Variants in ARFGEF3 observed in about 807,000 individuals in gnomAD.
ARFGEF3 encodes ARFGEF family member 3, also known as brefeldin A-inhibited guanine nucleotide-exchange protein 3.
In ARFGEF3, 96 loss-of-function variants were observed where a neutral mutation model predicts 221.7. The observed-to-expected ratio is 0.43, with a 90% CI of 0.37 to 0.51. The LOEUF (loss-of-function observed/expected upper bound fraction) is 0.51. ARFGEF3 is among the 20% of genes least tolerant of loss of function. ARFGEF3 has a pLI of 0.00. For missense variants in ARFGEF3, 2,410 were observed against 2,789.9 expected, an observed-to-expected ratio of 0.86 and a Z score of 3.07; for synonymous variants, 1,145 against 1,126.8, an observed-to-expected ratio of 1.02 and a Z score of -0.32.
intron 28 of ARFGEF3, 31 bp downstream of exon 28, chr6:138,319,910 G>A (rs1230403774): frequency 1.2e-6 from 2 of 1,602,956 alleles, no homozygotes; most frequent in Admixed American, 3.4e-5. Flanking sequence ...GTTCATTCTG[G>A]GTATTTCTTT....
At position 138,257,415 on chromosome 6, in the gene ARFGEF3, C is replaced by G. The variant is rs563402681; in HGVS notation, c.1104+1646C>G. Among the ~76,000 whole-genome samples the G allele has an allele frequency of 4.6e-5, 7 of 152,278 alleles. No homozygotes were observed. The East Asian group carries it at 1.4e-3, about 29-fold the overall frequency. ...GTCCGATCAGGGGCTCTTCCTGTAC[C>G]TGGAAGAAATGAGAGGAAGGGAGAA... On this transcript the variant is annotated intron_variant, in intron 10 of 33. Coordinates refer to ENST00000251691, the MANE Select transcript of ARFGEF3 (RefSeq NM_020340.5).
chr6:138,164,881 A>T lies in ARFGEF3; in HGVS notation c.85+2710A>T, dbSNP rs892762174. Reference sequence around the variant, plus strand: ...AAAACACGTCTCATCCCCCACTTAGACCATCATGTGATGGGGAGGTCAACC... The same window carrying T: ...AAAACACGTCTCATCCCCCACTTAGTCCATCATGTGATGGGGAGGTCAACC... On this transcript the variant is annotated intron_variant, in intron 1 of 33. Coordinates refer to ENST00000251691, the MANE Select transcript of ARFGEF3 (RefSeq NM_020340.5). Among the ~76,000 whole-genome samples the T allele has an allele frequency of 9.9e-5, 15 of 152,274 alleles. 1 individual carries two copies. The highest frequency in any genetic ancestry group is 2.6e-4 in the Admixed American group (4 of 15,304).
intron 8 of ARFGEF3, among the ~76,000 whole-genome samples, chr6:138,251,595 C>G (rs1480711233): frequency 6.6e-6 from 1 of 152,146 alleles, no homozygotes; most frequent in Non-Finnish European, 1.5e-5. Flanking sequence ...CTACAGGACC[C>G]TTCCTGATCG....
intron 22 of ARFGEF3, among the ~76,000 whole-genome samples, chr6:138,304,886 A>T (rs1387300272): frequency 6.6e-6 from 1 of 152,210 alleles, no homozygotes; most frequent in Non-Finnish European, 1.5e-5. Context: ...CTAGCATCTG[A>T]ACACTTCAAA....
intron 21 of ARFGEF3, among the ~76,000 whole-genome samples, chr6:138,297,685 T>C (rs1779546036): frequency 6.6e-6 from 1 of 152,048 alleles, no homozygotes; most frequent in African/African-American, 2.4e-5. Context: ...GGGGAAAAAG[T>C]CTATCAGTTA....
rs879929949 is a variant in ARFGEF3, at chr6:138,270,463, C to CACACACACACACACAT, written c.2128+6853_2128+6854insCACACACACACACATA. Reference sequence around the variant, plus strand: ...ACACACACACACACACACACACACACATATATATATCTGGGCTCTAGCCAT... The same window carrying CACACACACACACACAT: ...ACACACACACACACACACACACACACACACACACACACACATATATATATATCTGGGCTCTAGCCAT... On this transcript the variant is annotated intron_variant, in intron 12 of 33. Transcript: ENST00000251691. 1.4e-4 allele frequency among the ~76,000 whole-genome samples: 17 copies of CACACACACACACACAT among 123,890 alleles called. No individual in the cohort carries two copies. The South Asian group carries it at 2.9e-3, about 21-fold the overall frequency. 81.3% of individuals were successfully genotyped at this position (123,890 alleles called of 152,430 possible).
intron 10 of ARFGEF3, among the ~76,000 whole-genome samples, chr6:138,261,160 C>T (rs1167571115): frequency 1.3e-5 from 2 of 152,018 alleles, no homozygotes; most frequent in South Asian, 2.1e-4. Context: ...TGAAGCTAGC[C>T]GACTTGATAC....
At chr6:138,298,420 G>A (rs191752524) in intron 21 of ARFGEF3, among the ~76,000 whole-genome samples, 186 bp from the exon 22 acceptor site, 2 of 152,314 alleles carry the variant, frequency 1.3e-5, no homozygotes, top group East Asian at 3.9e-4. Flanking sequence ...TACCTGATAA[G>A]CTGGTTGAAT....
chr6:138,170,678 G>C lies in ARFGEF3; in HGVS notation c.102G>C (p.Leu34=). The change falls in exon 2 of 34, where the codon CTG becomes CTC. Residue 34 remains leucine (L), a synonymous_variant. Coordinates refer to ENST00000251691, the MANE Select transcript of ARFGEF3 (RefSeq NM_020340.5). ...CTTTTGCAGAAACTCTAGGTGGTCT[G>C]GATACCATTGTCAAGATCCCTCCAC... ...CTWALETLGG[L]DTIVKIPPHV... 6.3e-7 allele frequency: 1 copy of C among 1,584,648 alleles called. No individual in the cohort carries two copies. The highest frequency in any genetic ancestry group is 1.3e-5 in the African/African-American group (1 of 74,330).
At chr6:138,207,574 G>A (rs913203195) in intron 3 of ARFGEF3, among the ~76,000 whole-genome samples, 41 of 152,154 alleles carry the variant, frequency 2.7e-4, no homozygotes, top group African/African-American at 9.7e-4. Flanking sequence ...TATCTTTTAT[G>A]TCCAGAGCAA....
At chr6:138,208,008 T>A (rs1777655058) in intron 3 of ARFGEF3, among the ~76,000 whole-genome samples, 1 of 152,202 alleles carries the variant, frequency 6.6e-6, no homozygotes. Context: ...ACATTAGCAA[T>A]AATGTTATTA....
intron 22 of ARFGEF3, among the ~76,000 whole-genome samples, chr6:138,301,994 G>GA (rs553530034): frequency 2.0e-3 from 298 of 151,868 alleles, no homozygotes; most frequent in African/African-American, 6.8e-3. Flanking sequence ...AGTCTGGGGG[G>GA]AAAAAAACCC....
Position 138,201,371 on chromosome 6 carries a change from C to T in ARFGEF3, c.138-5671C>T, listed in dbSNP as rs140112662. On this transcript the variant is annotated intron_variant, in intron 2 of 33. Transcript: ENST00000251691. ...TATTCAGAAAAGATACTTGCACACA[C>T]ATGTTTATAGCACCACAATTCACAA... 2.7e-3 allele frequency among the ~76,000 whole-genome samples: 408 copies of T among 152,306 alleles called. 4 individuals carry two copies. Among genetic ancestry groups the T allele is most frequent in the Middle Eastern group, 0.01 (3 of 294 alleles).
chr6:138,175,624 A>T (rs76900055), intron 2 of ARFGEF3, among the ~76,000 whole-genome samples: 2,035 of 152,362 alleles, frequency 0.013, 33 homozygotes, highest in Middle Eastern at 0.058. Context: ...TGCCACTGAT[A>T]GTCACTGATT....
Position 138,334,878 on chromosome 6 carries a change from A to T in ARFGEF3, c.6032A>T (p.Asn2011Ile), listed in dbSNP as rs370899444. The change falls in exon 33 of 34, where the codon AAC becomes ATC. Residue 2011 changes from asparagine (N) to isoleucine (I), a missense_variant. Transcript: ENST00000251691. This position sits in a 1 kb window ranked among gnomAD's most constrained non-coding sequence, Gnocchi z 5.1. Reference protein sequence around the residue: ...RKKEWWENAGNKIYTMAADKT... With the variant: ...RKKEWWENAGIKIYTMAADKT... The stretch of plus-strand genomic sequence containing the variant: ...AAGGAGTGGTGGGAGAATGCGGGGA[A>T]CAAAATCTACACCATGGCAGCCGAC... The T allele has an allele frequency of 1.1e-5, 18 of 1,590,398 alleles. No homozygotes were observed. In the African/African-American group the frequency reaches 2.3e-4, roughly 20 times the overall value.
intron 31 of ARFGEF3, among the ~76,000 whole-genome samples, chr6:138,324,855 C>T (rs892065964): frequency 1.3e-5 from 2 of 152,242 alleles, no homozygotes; most frequent in African/African-American, 4.8e-5. Context: ...ATACCCTAAG[C>T]TCTTAAGTGA....
In ARFGEF3 at chr6:138,342,885, A is replaced by G. The variant is rs1780455155; in HGVS notation, c.*6399A>G. The G allele has an allele frequency of 6.6e-6, 1 of 152,260 alleles. No homozygotes were observed. The highest frequency in any genetic ancestry group is 1.5e-5 in the Non-Finnish European group (1 of 68,042). 9.4% of individuals were successfully genotyped at this position (152,260 alleles called of 1,614,324 possible). On this transcript the variant is annotated 3_prime_UTR_variant, in exon 34 of 34. Coordinates refer to ENST00000251691, the MANE Select transcript of ARFGEF3 (RefSeq NM_020340.5). ...TTTCATATATATCTGTAAAGAGTCT[A>G]CCCAAAGGCTTCACGGAAATTTGCA...
At position 138,246,804 on chromosome 6, in the gene ARFGEF3, G is replaced by A. The variant is rs111682524; in HGVS notation, c.665+1213G>A. On this transcript the variant is annotated intron_variant, in intron 8 of 33. Transcript: ENST00000251691. ...CTTGGGGATTATAGTTATTAATAGT[G>A]TATTGTATTCAGGATTTTTGCTAAA... Among the ~76,000 whole-genome samples, 192 of 152,264 alleles carry A rather than the reference G, an allele frequency of 1.3e-3. 1 individual carries two copies. Among genetic ancestry groups the A allele is most frequent in the African/African-American group, 4.5e-3 (185 of 41,550 alleles).
intron 14 of ARFGEF3, among the ~76,000 whole-genome samples, chr6:138,280,680 G>A (rs571021411): frequency 3.9e-5 from 6 of 152,288 alleles, no homozygotes; most frequent in South Asian, 2.1e-4. Context: ...GCAAAACTCC[G>A]TCTCTACTAA....
Sources: allele counts gnomAD v4.1 joint callset (sites outside exome capture counted in the v4.1 genomes callset), GRCh38; gene constraint gnomAD v4.1.1; non-coding constraint Gnocchi (gnomAD v3.1); transcripts MANE v1.5; gene names NCBI Gene and HGNC (gene_info 2026-07-23, HGNC 2026-07-21).